Variants in FOCAD observed in about 807,000 individuals in gnomAD.
The protein encoded by FOCAD is focadhesin, also known as KIAA1797.
Under a neutral mutation model 225.6 loss-of-function variants are expected in FOCAD, and 198 were observed. The observed-to-expected ratio is 0.88, with a 90% CI of 0.78 to 0.99. The LOEUF (loss-of-function observed/expected upper bound fraction) is 0.99. FOCAD is among the 50% of genes least tolerant of loss of function. The pLI is 0.00. For missense variants in FOCAD, 2,713 were observed against 2,123.6 expected, an observed-to-expected ratio of 1.28 and a Z score of -5.46; for synonymous variants, 897 against 755.0, an observed-to-expected ratio of 1.19 and a Z score of -3.08.
intron 4 of FOCAD, chr9:20,726,374 C>T (rs1158686402): frequency 1.3e-5 from 2 of 152,140 alleles, no homozygotes; most frequent in South Asian, 2.1e-4. Flanking sequence ...ACTGAGGTGT[C>T]ATGACAGCCT....
At chr9:20,764,438 G>C (rs1220615794) in intron 6 of FOCAD, among the ~76,000 whole-genome samples, 1 of 152,190 alleles carries the variant, frequency 6.6e-6, no homozygotes, top group East Asian at 1.9e-4. Flanking sequence ...ATTTTTAGTA[G>C]AGACAGTGTT....
chr9:20,830,753 C>T (rs1183415190), intron 15 of FOCAD, among the ~76,000 whole-genome samples: 5 of 152,056 alleles, frequency 3.3e-5, no homozygotes, highest in Non-Finnish European at 7.4e-5. Context: ...TCATGGTCCA[C>T]AGCAGCCTTT....
At position 20,993,240 on chromosome 9, in the gene FOCAD, A is replaced by G. The variant is rs1344325692; in HGVS notation, c.5257-13A>G. The G allele has an allele frequency of 1.9e-6, 3 of 1,610,160 alleles. No homozygotes were observed. On this transcript the variant is annotated splice_polypyrimidine_tract_variant and intron_variant, in intron 42 of 43. Transcript: ENST00000338382. Reference sequence around the variant, plus strand: ...ATTCTCTTCTTTGACACTATTTTTCATTTTTACCCTAGTTCATTGACTGGC... The same window carrying G: ...ATTCTCTTCTTTGACACTATTTTTCGTTTTTACCCTAGTTCATTGACTGGC...
At chr9:20,811,401 T>C (rs1397910657) in intron 11 of FOCAD, among the ~76,000 whole-genome samples, 1 of 152,052 alleles carries the variant, frequency 6.6e-6, no homozygotes. Flanking sequence ...GCTGTTGTTA[T>C]TCAAGGAATC....
Position 20,942,131 on chromosome 9 carries a change from T to C in FOCAD, c.3408-2496T>C, listed in dbSNP as rs537008411. Among the ~76,000 whole-genome samples the C allele has an allele frequency of 5.0e-4, 76 of 152,368 alleles. 2 individuals carry two copies. The South Asian group carries it at 0.016, about 31-fold the overall frequency. The stretch of plus-strand genomic sequence containing the variant: ...TAGCATGTATATACATACACTGTTA[T>C]ATATTCATATGTTACACCAGTCACT... On this transcript the variant is annotated intron_variant, in intron 28 of 43. Coordinates refer to ENST00000338382, the MANE Select transcript of FOCAD (RefSeq NM_001375567.1).
intron 2 of FOCAD, among the ~76,000 whole-genome samples, chr9:20,717,550 C>G (rs995353084): frequency 1.3e-5 from 2 of 152,148 alleles, no homozygotes; most frequent in African/African-American, 4.8e-5. Context: ...GTTTTCTTAA[C>G]CTCTATGCAC....
At chr9:20,740,970 C>T (rs1827567318) in intron 5 of FOCAD, among the ~76,000 whole-genome samples, 1 of 152,118 alleles carries the variant, frequency 6.6e-6, no homozygotes, top group African/African-American at 2.4e-5. Flanking sequence ...CCCAGGAAGC[C>T]ATCTCTTAAG....
intron 21 of FOCAD, among the ~76,000 whole-genome samples, chr9:20,889,949 T>C (rs34207854): frequency 0.16 from 24,545 of 152,136 alleles, 2,036 homozygotes; most frequent in East Asian, 0.22. Flanking sequence ...GTATTACATA[T>C]CCCTAAGTAT....
intron 35 of FOCAD, among the ~76,000 whole-genome samples, chr9:20,953,673 T>C (rs1464138845): frequency 1.3e-5 from 2 of 152,250 alleles, no homozygotes; most frequent in Non-Finnish European, 1.5e-5. Flanking sequence ...TGCTCCTTAA[T>C]AATACACATA....
At chr9:20,675,321 G>A (rs532466206) in intron 2 of FOCAD, among the ~76,000 whole-genome samples, 1 of 152,266 alleles carries the variant, frequency 6.6e-6, no homozygotes, top group African/African-American at 2.4e-5. Flanking sequence ...ATATACCAGA[G>A]CATAGCCATC....
Position 20,926,567 on chromosome 9 carries a change from T to A in FOCAD, c.3078+150T>A. ...GGAAGTCTGAGGTGGGCGGATCACC[T>A]GAGGTTGGGAGTTCGAGACCAGCCT... On this transcript the variant is annotated intron_variant, in intron 26 of 43. Transcript: ENST00000338382. 5.3e-6 allele frequency: 3 copies of A among 569,162 alleles called. No individual in the cohort carries two copies. In the South Asian group the frequency reaches 6.1e-5, roughly 12 times the overall value. 35.3% of individuals were successfully genotyped at this position (569,162 alleles called of 1,614,324 possible). A position where few individuals can be genotyped will look rare whatever the true frequency, so the allele number is the denominator to read the frequency against.
At chr9:20,693,637 T>C (rs1823113331) in intron 1 of FOCAD, among the ~76,000 whole-genome samples, 1 of 152,198 alleles carries the variant, frequency 6.6e-6, no homozygotes, top group Admixed American at 6.5e-5. Context: ...TTCCATTCTT[T>C]ATGGAAAAGC....
intron 15 of FOCAD, among the ~76,000 whole-genome samples, chr9:20,862,074 C>T (rs970896396): frequency 2.6e-5 from 4 of 151,948 alleles, no homozygotes; most frequent in Non-Finnish European, 5.9e-5. Context: ...AGTTATTCTC[C>T]TACCTCTGAA....
intron 35 of FOCAD, among the ~76,000 whole-genome samples, chr9:20,962,293 A>T (rs576229656): frequency 5.3e-5 from 8 of 152,182 alleles, no homozygotes; most frequent in Non-Finnish European, 8.8e-5. Context: ...GATTTCCTCA[A>T]TGGACAGGAA....
chr9:20,719,970 A>G (rs1405428363), intron 3 of FOCAD, among the ~76,000 whole-genome samples: 1 of 152,046 alleles, frequency 6.6e-6, no homozygotes, highest in Non-Finnish European at 1.5e-5. Context: ...TTCTGAAAAT[A>G]ACTGTTATTG....
chr9:20,900,600 A>T (rs541191637), intron 21 of FOCAD, among the ~76,000 whole-genome samples: 1 of 151,950 alleles, frequency 6.6e-6, no homozygotes, highest in African/African-American at 2.4e-5. Flanking sequence ...ACAAGGAATA[A>T]TGTTAGCATC....
chr9:20,877,400 A>G (rs1281499624), intron 19 of FOCAD, among the ~76,000 whole-genome samples: 1 of 152,234 alleles, frequency 6.6e-6, no homozygotes, highest in East Asian at 1.9e-4. Flanking sequence ...TTACATTTTA[A>G]AAGGCAATTT....
At chr9:20,850,184 T>C (rs1225039358) in intron 15 of FOCAD, among the ~76,000 whole-genome samples, 3 of 151,784 alleles carry the variant, frequency 2.0e-5, no homozygotes, top group Non-Finnish European at 4.4e-5. Context: ...ATTTTTGTTA[T>C]AGAGGCATAT....
At chr9:20,908,816 G>C (rs927297119) in intron 22 of FOCAD, among the ~76,000 whole-genome samples, 3 of 152,034 alleles carry the variant, frequency 2.0e-5, no homozygotes, top group African/African-American at 7.2e-5. Context: ...CCTAAGCAAT[G>C]TTGAATTTTT....
Sources: allele counts gnomAD v4.1 joint callset (sites outside exome capture counted in the v4.1 genomes callset), GRCh38; gene constraint gnomAD v4.1.1; transcripts MANE v1.5; gene names NCBI Gene and HGNC (gene_info 2026-07-23, HGNC 2026-07-21).